Variants in DNAJC13 observed in about 807,000 individuals in gnomAD.
The protein encoded by DNAJC13 is dnaJ homolog subfamily C member 13.
In DNAJC13, 75 loss-of-function variants were observed where a neutral mutation model predicts 290.5. The ratio of observed to expected loss-of-function variants is 0.26; its 90% CI spans 0.21 to 0.31. DNAJC13 has a LOEUF of 0.31. Ranked by LOEUF, DNAJC13 falls within the 10% of genes least tolerant of loss-of-function variation. The pLI is 1.00. For synonymous variants in DNAJC13, 862 were observed against 892.0 expected (o/e 0.97, Z 0.60); for missense variants, 2,260 against 2,674.5 (o/e 0.85, Z 3.42).
chr3:132,532,804 CT>C (rs2107756361), intron 55 of DNAJC13, among the ~76,000 whole-genome samples: 1 of 151,746 alleles, frequency 6.6e-6, no homozygotes, highest in African/African-American at 2.4e-5. Flanking sequence ...GTGGTGCGAC[CT>C]CAGCTCACTG....
chr3:132,464,581 T>C (rs1414929454), intron 17 of DNAJC13, among the ~76,000 whole-genome samples: 1 of 152,234 alleles, frequency 6.6e-6, no homozygotes, highest in Non-Finnish European at 1.5e-5. Flanking sequence ...GCAGTTATTA[T>C]ACATCATGGT....
At chr3:132,443,674 C>T (rs376521388) in intron 2 of DNAJC13, among the ~76,000 whole-genome samples, 7 of 152,034 alleles carry the variant, frequency 4.6e-5, no homozygotes, top group East Asian at 1.9e-4. Flanking sequence ...CATCCTTAAG[C>T]GGAAGTTCAA....
chr3:132,443,080 A>C lies in DNAJC13; in HGVS notation c.69-3395A>C, dbSNP rs112583485. Among the ~76,000 whole-genome samples the C allele has an allele frequency of 6.0e-3, 913 of 152,300 alleles. 9 individuals are homozygous for C. Among genetic ancestry groups the C allele is most frequent in the East Asian group, 0.029 (153 of 5,188 alleles). On this transcript the variant is annotated intron_variant, in intron 2 of 55. Coordinates refer to ENST00000260818, the MANE Select transcript of DNAJC13 (RefSeq NM_015268.4). ...TGGTAGGAGTTAGCCTCAAAGAAGA[A>C]GACTTGTGCCTCCCTGAATCCGTGG...
At chr3:132,528,076 A>G in intron 53 of DNAJC13, 113 bp from the exon 54 acceptor site, 1 of 1,147,104 alleles carries the variant, frequency 8.7e-7, no homozygotes, top group Non-Finnish European at 1.3e-6. Flanking sequence ...GTATGGCATT[A>G]AAATACGGTG....
At chr3:132,461,508 T>G (rs1189331383) in intron 15 of DNAJC13, among the ~76,000 whole-genome samples, 2 of 152,190 alleles carry the variant, frequency 1.3e-5, no homozygotes, top group African/African-American at 2.4e-5. Flanking sequence ...AGCATCCATG[T>G]AGGCTGCGGG....
chr3:132,494,071 T>C lies in DNAJC13; in HGVS notation c.3826-73T>C, dbSNP rs189807989. ...ATCCATTTAAATAAATACAGCACAATAATTCTATAACTTAAAAATTATACT... is the reference window on the plus strand; with the variant it reads ...ATCCATTTAAATAAATACAGCACAACAATTCTATAACTTAAAAATTATACT... On this transcript the variant is annotated intron_variant, in intron 33 of 55. Coordinates refer to ENST00000260818, the MANE Select transcript of DNAJC13 (RefSeq NM_015268.4). The C allele has an allele frequency of 7.1e-3, 7,431 of 1,044,592 alleles. 30 individuals carry two copies. The highest frequency in any genetic ancestry group is 0.013 in the Middle Eastern group (57 of 4,372). 64.7% of individuals were successfully genotyped at this position (1,044,592 alleles called of 1,614,324 possible).
chr3:132,501,007 A>G lies in DNAJC13; in HGVS notation c.4536+94A>G. 3 of 1,420,358 alleles carry G rather than the reference A, an allele frequency of 2.1e-6. No individual in the cohort carries two copies. The South Asian group carries it at 4.1e-5, about 19-fold the overall frequency. The allele number at this position is 1,420,358 out of a possible 1,614,324, so 88.0% of individuals were successfully genotyped here. ...TAATGTATAAGCACATTGTTTTCCC[A>G]AAGTTATTTGTAAGTAAAATTATTT... On this transcript the variant is annotated intron_variant, in intron 39 of 55. Transcript: ENST00000260818.
chr3:132,421,402 C>G (rs548344828), intron 1 of DNAJC13, among the ~76,000 whole-genome samples: 1 of 152,248 alleles, frequency 6.6e-6, no homozygotes, highest in African/African-American at 2.4e-5. Flanking sequence ...TATGATTATA[C>G]CAAAATACAC....
rs151174185 is a variant in DNAJC13 at position 132,538,202 on chromosome 3, G to A, written c.6652G>A (p.Ala2218Thr). Reference protein sequence around the residue: ...TGPGVAGYLTAGTSTSVMSNL... With the variant: ...TGPGVAGYLTTGTSTSVMSNL... ...ACCTGGAGTTGCTGGCTACCTTACC[G>A]CAGGTACATCTACATCAGTCATGTC... Residue 2218 changes from alanine (A) to threonine (T), a missense_variant, in exon 56 of 56, where the codon GCA becomes ACA. Coordinates refer to ENST00000260818, the MANE Select transcript of DNAJC13 (RefSeq NM_015268.4). The A allele has an allele frequency of 3.8e-5, 61 of 1,613,526 alleles. No homozygotes were observed. The highest frequency in any genetic ancestry group is 1.7e-4 in the Middle Eastern group (1 of 6,028).
In DNAJC13 at chr3:132,523,646, AG is replaced by A; in HGVS notation, c.5994del (p.Lys1998AsnfsTer10). On this transcript the variant is annotated frameshift_variant, in exon 51 of 56. Coordinates refer to ENST00000260818, the MANE Select transcript of DNAJC13 (RefSeq NM_015268.4). LOFTEE classifies it high-confidence loss of function. ...GCACAACCAGCCTGGGTTCTAAGAA[AG>A]CCTAGAGAATTTCTTATTGCCCTGT... ...FIAQPAWVLR[K>X]PREFLIALLE... 1 of 1,614,128 alleles carries A rather than the reference AG, an allele frequency of 6.2e-7. No individual in the cohort carries two copies. Among genetic ancestry groups the A allele is most frequent in the Non-Finnish European group, 8.5e-7 (1 of 1,179,988 alleles).
chr3:132,466,896 G>A (rs1001919280), intron 19 of DNAJC13, among the ~76,000 whole-genome samples: 3 of 152,132 alleles, frequency 2.0e-5, no homozygotes, highest in Non-Finnish European at 2.9e-5. Flanking sequence ...AATTTCTTAC[G>A]TGTATTCTTT....
intron 29 of DNAJC13, among the ~76,000 whole-genome samples, chr3:132,487,678 T>C (rs1397798550): frequency 6.6e-6 from 1 of 151,668 alleles, no homozygotes; most frequent in Non-Finnish European, 1.5e-5. Flanking sequence ...ATAAAACTTA[T>C]TAAATGTTTA....
At chr3:132,423,692 T>C (rs1939020357) in intron 1 of DNAJC13, among the ~76,000 whole-genome samples, 1 of 152,208 alleles carries the variant, frequency 6.6e-6, no homozygotes, top group South Asian at 2.1e-4. Flanking sequence ...GAAATGTATG[T>C]TTTTGCTATT....
intron 26 of DNAJC13, 77 bp downstream of exon 26, chr3:132,480,547 C>T: frequency 9.1e-7 from 1 of 1,099,192 alleles, no homozygotes; most frequent in Non-Finnish European, 1.4e-6. Flanking sequence ...TCATAGAAAT[C>T]TGAAAAGATG....
At chr3:132,499,425 A>G in intron 37 of DNAJC13, 115 bp downstream of exon 37, 1 of 935,988 alleles carries the variant, frequency 1.1e-6, no homozygotes, top group South Asian at 2.0e-5. Flanking sequence ...TTCAGCAGAT[A>G]ACACAATATT....
At chr3:132,450,909 A>T in intron 6 of DNAJC13, 62 bp downstream of exon 6, 1 of 1,004,766 alleles carries the variant, frequency 1.0e-6, no homozygotes, top group Non-Finnish European at 1.4e-6. Flanking sequence ...GAAGGAAAGC[A>T]AAGCTTTTTA....
intron 30 of DNAJC13, among the ~76,000 whole-genome samples, 163 bp from the exon 31 acceptor site, chr3:132,488,813 G>C (rs1297832815): frequency 1.3e-5 from 2 of 151,956 alleles, no homozygotes; most frequent in African/African-American, 4.8e-5. Flanking sequence ...GTTCATTTAA[G>C]TTCTTGCCTT....
At chr3:132,510,318 A>T (rs1298597368) in intron 43 of DNAJC13, among the ~76,000 whole-genome samples, 2 of 152,164 alleles carry the variant, frequency 1.3e-5, no homozygotes, top group Non-Finnish European at 2.9e-5. Flanking sequence ...ATGATTCCTC[A>T]TCACTTCCAG....
At chr3:132,506,541 C>CTTTTTTTTTTTTTTTTTTTTTTTTTTTT in intron 42 of DNAJC13, among the ~76,000 whole-genome samples, 1 of 54,756 alleles carries the variant, frequency 1.8e-5, no homozygotes, top group Non-Finnish European at 3.1e-5. Context: ...CAGTGTATTA[C>CTTTTTTTTTTTTTTTTTTTTTTTTTTTT]TTTTTTTTTT....
Sources: gnomAD v4.1 joint callset for allele counts (sites outside exome capture counted in the v4.1 genomes callset) on GRCh38, gnomAD v4.1.1 for gene constraint, MANE v1.5 for transcripts, NCBI Gene and HGNC (gene_info 2026-07-23, HGNC 2026-07-21) for gene names.